Variants in SALL3 observed in about 807,000 individuals in gnomAD.
The protein encoded by SALL3 is spalt like transcription factor 3.
A neutral mutation model predicts 66.2 loss-of-function variants in SALL3; 25 were observed. That is an observed-to-expected ratio of 0.38 (90% CI 0.28 to 0.53). The LOEUF (loss-of-function observed/expected upper bound fraction) is 0.53, where lower values mean the gene tolerates loss of function less well. Ranked by LOEUF, SALL3 falls within the 20% of genes least tolerant of loss-of-function variation. SALL3 has a pLI of 0.85. For synonymous variants in SALL3, 1,152 were observed against 899.1 expected (o/e 1.28, Z -5.03); for missense variants, 2,194 against 1,916.5 (o/e 1.14, Z -2.70).
At chr18:78,986,308 G>A (rs1053175028) in intron 1 of SALL3, among the ~76,000 whole-genome samples, 3 of 152,232 alleles carry the variant, frequency 2.0e-5, no homozygotes, top group Admixed American at 6.5e-5. Context: ...GGGCCATGGC[G>A]TCGACGCGCG....
intron 1 of SALL3, among the ~76,000 whole-genome samples, chr18:78,991,379 A>G (rs967137548): frequency 2.3e-3 from 9 of 3,998 alleles, no homozygotes; most frequent in Admixed American, 6.5e-3. Flanking sequence ...AGAAAGTACA[A>G]GGGTGGGGGG....
chr18:78,981,141 C>T (rs1308613464), intron 1 of SALL3, among the ~76,000 whole-genome samples: 1 of 152,242 alleles, frequency 6.6e-6, no homozygotes, highest in Non-Finnish European at 1.5e-5. Flanking sequence ...CATCCAAGAG[C>T]AAAGGGCAGG....
In SALL3 at chr18:78,990,037, C is replaced by T. The variant is rs1159863928; in HGVS notation, c.83-2037C>T. On this transcript the variant is annotated intron_variant, in intron 1 of 2. Coordinates refer to ENST00000537592, the MANE Select transcript of SALL3 (RefSeq NM_171999.4). ...TTTTGAGATAGGCCTTTTTATCAGTCATTAAGAAATTACCTGAAGATTTGA... is the reference window on the plus strand; with the variant it reads ...TTTTGAGATAGGCCTTTTTATCAGTTATTAAGAAATTACCTGAAGATTTGA... 2.6e-5 allele frequency among the ~76,000 whole-genome samples: 4 copies of T among 152,170 alleles called. No homozygotes were observed. In the East Asian group the frequency reaches 7.7e-4, roughly 29 times the overall value.
At chr18:78,989,730 C>T (rs965536604) in intron 1 of SALL3, among the ~76,000 whole-genome samples, 1 of 152,142 alleles carries the variant, frequency 6.6e-6, no homozygotes, top group Non-Finnish European at 1.5e-5. Context: ...AATTAACAAG[C>T]ATTTAATTTC....
intron 1 of SALL3, among the ~76,000 whole-genome samples, chr18:78,989,628 T>C (rs1368778762): frequency 6.6e-6 from 1 of 152,232 alleles, no homozygotes; most frequent in East Asian, 1.9e-4. Flanking sequence ...TGTAAAACTG[T>C]AACTATATAT....
Position 78,995,255 on chromosome 18 carries a change from C to T in SALL3, c.3264C>T (p.Ala1088=), listed in dbSNP as rs1448198909. Residue 1088 remains alanine (A), a synonymous_variant, in exon 2 of 3, where the codon GCC becomes GCT. Coordinates refer to ENST00000537592, the MANE Select transcript of SALL3 (RefSeq NM_171999.4). ...TGCCCGCGGGCGTCCAGGTCCCCGC[C>T]GGGCCTCAGACAGTGATGGGCCCGG... ...PPLPAGVQVP[A]GPQTVMGPGL... is the part of the protein sequence containing the mutation. 4.4e-6 allele frequency: 7 copies of T among 1,597,456 alleles called. No homozygotes were observed. The highest frequency in any genetic ancestry group is 5.9e-6 in the Non-Finnish European group (7 of 1,176,968).
At chr18:78,990,386 A>C (rs536106772) in intron 1 of SALL3, among the ~76,000 whole-genome samples, 1 of 152,348 alleles carries the variant, frequency 6.6e-6, no homozygotes, top group East Asian at 1.9e-4. Flanking sequence ...GAAAATGCTA[A>C]TTGAACACTG....
rs1296754841 is a variant in SALL3, at chr18:78,994,180, G to A, written c.2189G>A (p.Arg730His). 4 of 1,613,184 alleles carry A rather than the reference G, an allele frequency of 2.5e-6. No individual in the cohort carries two copies. Among genetic ancestry groups the A allele is most frequent in the East Asian group, 2.2e-5 (1 of 44,882 alleles). The change falls in exon 2 of 3, where the codon CGT becomes CAT. Residue 730 changes from arginine (R) to histidine (H), a missense_variant. By Grantham distance (29) the Arg-to-His change is conservative. Coordinates refer to ENST00000537592, the MANE Select transcript of SALL3 (RefSeq NM_171999.4). Reference protein sequence around the residue: ...GNLKTHFGVHRAKPPLRVQHS... With the variant: ...GNLKTHFGVHHAKPPLRVQHS... ...CTCAAGACGCACTTCGGCGTGCACCGTGCAAAGCCGCCCCTGCGCGTGCAG... is the reference window on the plus strand; with the variant it reads ...CTCAAGACGCACTTCGGCGTGCACCATGCAAAGCCGCCCCTGCGCGTGCAG...
chr18:78,992,949 C>A lies in SALL3; in HGVS notation c.958C>A (p.Pro320Thr), dbSNP rs1382541357. 1 of 1,118,238 alleles carries A rather than the reference C, an allele frequency of 8.9e-7. No individual in the cohort carries two copies. 69.3% of individuals were successfully genotyped at this position (1,118,238 alleles called of 1,614,324 possible). A position where few individuals can be genotyped will look rare whatever the true frequency, so the allele number is the denominator to read the frequency against. ...CGCCGCCCCCAGCGCCGCCCCTGCCCCCGCTGCCCCCGCCCCGGCGCCAGC... is the reference window on the plus strand; with the variant it reads ...CGCCGCCCCCAGCGCCGCCCCTGCCACCGCTGCCCCCGCCCCGGCGCCAGC... ...APAAPSAAPA[P>T]AAPAPAPAPQ... The change falls in exon 2 of 3, where the codon CCC (proline) becomes ACC (threonine). Residue 320 changes from proline (P) to threonine (T), a missense_variant. Coordinates refer to ENST00000537592, the MANE Select transcript of SALL3 (RefSeq NM_171999.4).
intron 1 of SALL3, among the ~76,000 whole-genome samples, chr18:78,984,817 G>A (rs473557): frequency 0.99 from 151,329 of 152,346 alleles, 75,167 homozygotes; most frequent in Middle Eastern, 1. Flanking sequence ...ATTAAAGGGA[G>A]GCGTTCTCCA....
rs1408340247 is a variant in SALL3, at chr18:78,990,814, G to A, written c.83-1260G>A. Among the ~76,000 whole-genome samples the A allele has an allele frequency of 2.6e-5, 4 of 152,128 alleles. No individual in the cohort carries two copies. The East Asian group carries it at 5.8e-4, about 22-fold the overall frequency. On this transcript the variant is annotated intron_variant, in intron 1 of 2. Transcript: ENST00000537592. Reference sequence around the variant, plus strand: ...AGTTACGAGTCAGTAATATCCAGGCGAGCACAGAGAACCTGAGTAATTATT... The same window carrying A: ...AGTTACGAGTCAGTAATATCCAGGCAAGCACAGAGAACCTGAGTAATTATT...
At position 78,992,531 on chromosome 18, in the gene SALL3, G is replaced by C. The variant is rs1163051055; in HGVS notation, c.540G>C (p.Gln180His). The change falls in exon 2 of 3, where the codon CAG becomes CAC. Residue 180 changes from glutamine to histidine, a missense_variant. Gln to His is a conservative substitution (Grantham distance 24). Coordinates refer to ENST00000537592, the MANE Select transcript of SALL3 (RefSeq NM_171999.4). ...TGAGCACCAAGGTGGCGGTGGCGCA[G>C]TTCTCGCAGGGCGCGCGCGCGGCAG... ...ALLSTKVAVAQFSQGARAAGG... is the reference protein window; with the variant it reads ...ALLSTKVAVAHFSQGARAAGG... 2.9e-5 allele frequency: 43 copies of C among 1,494,054 alleles called. No individual in the cohort carries two copies. The highest frequency in any genetic ancestry group is 3.7e-5 in the Non-Finnish European group (42 of 1,128,286). 92.5% of individuals were successfully genotyped at this position (1,494,054 alleles called of 1,614,324 possible).
chr18:78,980,629 C>A (rs1011547909), intron 1 of SALL3, among the ~76,000 whole-genome samples: 3 of 151,696 alleles, frequency 2.0e-5, no homozygotes, highest in African/African-American at 4.8e-5. Flanking sequence ...AGGCCGCGGC[C>A]GGCTCGAGGA....
rs377721381 is a variant in SALL3 at position 78,994,237 on chromosome 18, C to G, written c.2246C>G (p.Thr749Ser). The change falls in exon 2 of 3, where the codon ACC (threonine) becomes AGC (serine). Residue 749 changes from threonine to serine, a missense_variant. Thr to Ser is a moderately conservative substitution (Grantham distance 58). Transcript: ENST00000537592. ...TGCCCCATCTGCCAGAAGAAGTTCACCAACGCCGTGGTCCTGCAGCAGCAC... is the reference window on the plus strand; with the variant it reads ...TGCCCCATCTGCCAGAAGAAGTTCAGCAACGCCGTGGTCCTGCAGCAGCAC... Reference protein sequence around the residue: ...HSCPICQKKFTNAVVLQQHIR... With the variant: ...HSCPICQKKFSNAVVLQQHIR... 47 of 1,613,616 alleles carry G rather than the reference C, an allele frequency of 2.9e-5. No homozygotes were observed. The African/African-American group carries it at 5.3e-4, about 18-fold the overall frequency.
intron 1 of SALL3, among the ~76,000 whole-genome samples, chr18:78,984,210 G>A (rs931132885): frequency 2.0e-5 from 3 of 152,172 alleles, no homozygotes; most frequent in Admixed American, 6.5e-5. Context: ...TTTCCAGGTA[G>A]CCCTAAGAAT....
At chr18:78,984,364 G>A (rs547919862) in intron 1 of SALL3, among the ~76,000 whole-genome samples, 1 of 152,302 alleles carries the variant, frequency 6.6e-6, no homozygotes, top group South Asian at 2.1e-4. Flanking sequence ...CTTCTAATGA[G>A]GATATGCACC....
chr18:78,989,806 ACT>A (rs1212377419), intron 1 of SALL3, among the ~76,000 whole-genome samples: 3 of 152,142 alleles, frequency 2.0e-5, no homozygotes, highest in Admixed American at 6.5e-5. Flanking sequence ...CCCTTAAAAC[ACT>A]CTGTTCCTTG....
chr18:78,993,593 C>T lies in SALL3; in HGVS notation c.1602C>T (p.Val534=), dbSNP rs779316148. The stretch of plus-strand genomic sequence containing the variant: ...TGGGGCTGCAACTGCCGCCCACTGT[C>T]CCTGGCGCGCACGGCTACGCCGACT... ...TSVGLQLPPT[V]PGAHGYADSP... is the part of the protein sequence containing the mutation. Residue 534 remains valine (V), a synonymous_variant, in exon 2 of 3, where the codon GTC becomes GTT. Transcript: ENST00000537592. The T allele has an allele frequency of 2.5e-6, 4 of 1,587,192 alleles. No individual in the cohort carries two copies. Among genetic ancestry groups the T allele is most frequent in the South Asian group, 1.1e-5 (1 of 89,220 alleles).
At position 78,992,510 on chromosome 18, in the gene SALL3, C is replaced by T. The variant is rs1914479096; in HGVS notation, c.519C>T (p.Ser173=). 2.0e-6 allele frequency: 3 copies of T among 1,479,578 alleles called. No individual in the cohort carries two copies. The highest frequency in any genetic ancestry group is 2.7e-6 in the Non-Finnish European group (3 of 1,120,038). The allele number at this position is 1,479,578 out of a possible 1,614,324, so 91.7% of individuals were successfully genotyped here. A position where few individuals can be genotyped will look rare whatever the true frequency, so the allele number is the denominator to read the frequency against. ...ACGTGACCCTGGAGGCGCTGCTGAG[C>T]ACCAAGGTGGCGGTGGCGCAGTTCT... is the stretch of plus-strand genomic sequence containing the variant. ...STNVTLEALL[S]TKVAVAQFSQ... The change falls in exon 2 of 3, where the codon AGC becomes AGT. Residue 173 remains serine, a synonymous_variant. Transcript: ENST00000537592.
Sources: allele counts gnomAD v4.1 joint callset (sites outside exome capture counted in the v4.1 genomes callset), GRCh38; gene constraint gnomAD v4.1.1; transcripts MANE v1.5; gene names NCBI Gene and HGNC (gene_info 2026-07-23, HGNC 2026-07-21).